Variants in SYT14 observed in about 807,000 individuals in gnomAD.
SYT14 encodes synaptotagmin 14.
In SYT14, 32 loss-of-function variants were observed where a neutral mutation model predicts 74.2. The ratio of observed to expected loss-of-function variants is 0.43; its 90% confidence interval spans 0.33 to 0.58. The LOEUF is 0.58. Ranked by LOEUF, SYT14 falls within the 20% of genes least tolerant of loss-of-function variation. SYT14 has a pLI of 0.05. For missense variants in SYT14, 791 were observed against 981.8 expected (o/e 0.81, Z 2.60); for synonymous variants, 298 against 337.7 (o/e 0.88, Z 1.29).
intron 5 of SYT14, among the ~76,000 whole-genome samples, chr1:210,052,099 T>G (rs562407775): frequency 6.6e-6 from 1 of 152,350 alleles, no homozygotes; most frequent in East Asian, 1.9e-4. Context: ...TGTTAAATTC[T>G]TTTTGAGCTC....
chr1:210,080,364 T>A (rs2102477977), intron 5 of SYT14, among the ~76,000 whole-genome samples: 1 of 152,330 alleles, frequency 6.6e-6, no homozygotes, highest in South Asian at 2.1e-4. Context: ...TTTAAAATAA[T>A]TGTTTTCTTG....
chr1:210,011,980 GTCTTT>G (rs1369293813), intron 2 of SYT14, among the ~76,000 whole-genome samples: 1 of 152,110 alleles, frequency 6.6e-6, no homozygotes, highest in East Asian at 1.9e-4. Flanking sequence ...GCTGTCTTTT[GTCTTT>G]TCTTGCTGTA....
chr1:210,044,556 A>T (rs1040632967), intron 5 of SYT14, among the ~76,000 whole-genome samples: 4 of 152,174 alleles, frequency 2.6e-5, no homozygotes. Flanking sequence ...AGGCAATGTG[A>T]TAGATATGTT....
At chr1:210,131,479 G>C (rs1210712163) in intron 7 of SYT14, among the ~76,000 whole-genome samples, 1 of 151,670 alleles carries the variant, frequency 6.6e-6, no homozygotes, top group African/African-American at 2.4e-5. Flanking sequence ...TATCTTTCAT[G>C]CCTTATGCCA....
intron 2 of SYT14, among the ~76,000 whole-genome samples, chr1:209,990,548 T>TACATACATATATATAC (rs59238920): frequency 1.5e-5 from 1 of 68,050 alleles, no homozygotes; most frequent in Non-Finnish European, 3.8e-5. Flanking sequence ...CGTATATATA[T>TACATACATATATATAC]GTATATATAT....
At chr1:210,016,511 A>G in exon 4 of SYT14, 8 of 1,232,098 alleles carry the variant, frequency 6.5e-6, no homozygotes, top group Non-Finnish European at 8.1e-6. Context: ...AGAACTTGAA[A>G]GTACTGACAG....
chr1:210,144,630 G>A (rs1349933136), intron 7 of SYT14, among the ~76,000 whole-genome samples: 1 of 151,888 alleles, frequency 6.6e-6, no homozygotes, highest in Non-Finnish European at 1.5e-5. Flanking sequence ...AAAACCAATA[G>A]TCTATGGATA....
intron 5 of SYT14, among the ~76,000 whole-genome samples, chr1:210,038,905 G>A (rs926347734): frequency 5.9e-5 from 9 of 151,986 alleles, no homozygotes; most frequent in Non-Finnish European, 2.9e-5. Flanking sequence ...TCCTTGCAAT[G>A]TATTTTCTAG....
At chr1:209,990,420 CT>C (rs1237291149) in intron 2 of SYT14, among the ~76,000 whole-genome samples, 1 of 144,818 alleles carries the variant, frequency 6.9e-6, no homozygotes, top group African/African-American at 2.5e-5. Context: ...CCCCACCTTC[CT>C]TTTTAAAAAT....
chr1:210,011,503 C>G (rs2080085722), intron 2 of SYT14, among the ~76,000 whole-genome samples: 1 of 152,178 alleles, frequency 6.6e-6, no homozygotes, highest in East Asian at 1.9e-4. Flanking sequence ...GCCTCCTCCT[C>G]TCACTCCCAT....
At chr1:209,939,974 A>G (rs1181427638) in intron 1 of SYT14, among the ~76,000 whole-genome samples, 1 of 152,214 alleles carries the variant, frequency 6.6e-6, no homozygotes. Flanking sequence ...TGTTTGAAGA[A>G]TAAGATTTTT....
chr1:210,165,444 GTTTAGCCTATACTTATA>G (rs1436403079), exon 10 of SYT14: 3 of 152,100 alleles, frequency 2.0e-5, no homozygotes, highest in Non-Finnish European at 4.4e-5. Context: ...TATTCTACCA[GTTTAGCCTATACTTATA>G]TTCCAAAAGC....
At chr1:210,104,258 C>T (rs1310122510) in intron 7 of SYT14, among the ~76,000 whole-genome samples, 2 of 152,190 alleles carry the variant, frequency 1.3e-5, no homozygotes, top group Non-Finnish European at 2.9e-5. Flanking sequence ...AGCAGGTTTT[C>T]CTCACCTGAC....
At position 210,160,810 on chromosome 1, in the gene SYT14, C is replaced by G. The variant is rs746278965; in HGVS notation, c.2363C>G (p.Pro788Arg). Residue 788 changes from proline to arginine, a missense_variant, in exon 10 of 10, where the codon CCA becomes CGA. Coordinates refer to ENST00000637265, the Ensembl canonical transcript of SYT14. ...AAGACATCCATCCGCAGAGGGCAGC[C>G]AAATCCAGTATATAAGGAAACTTTT... 5.6e-6 allele frequency: 9 copies of G among 1,613,834 alleles called. No homozygotes were observed. The highest frequency in any genetic ancestry group is 7.6e-6 in the Non-Finnish European group (9 of 1,179,894).
At chr1:210,061,841 C>G (rs1477827684) in intron 5 of SYT14, among the ~76,000 whole-genome samples, 1 of 151,804 alleles carries the variant, frequency 6.6e-6, no homozygotes, top group Non-Finnish European at 1.5e-5. Context: ...TTCATATAAT[C>G]TATTGTTATA....
chr1:210,037,450 T>G (rs2080690448), intron 5 of SYT14, among the ~76,000 whole-genome samples: 2 of 152,030 alleles, frequency 1.3e-5, no homozygotes, highest in African/African-American at 4.8e-5. Flanking sequence ...CTTTGTTATT[T>G]CTTTTCCTCC....
chr1:210,074,794 G>C (rs566351846), intron 5 of SYT14, among the ~76,000 whole-genome samples: 5 of 152,266 alleles, frequency 3.3e-5, no homozygotes, highest in African/African-American at 1.2e-4. Context: ...AGGCTGTGGG[G>C]CTCTGACCCC....
chr1:210,056,870 G>A (rs1265992074), intron 5 of SYT14, among the ~76,000 whole-genome samples: 1 of 143,232 alleles, frequency 7.0e-6, no homozygotes, highest in Non-Finnish European at 1.5e-5. Flanking sequence ...TTGAGACTCA[G>A]TCTTGCTCTG....
At chr1:210,075,031 G>A (rs946122773) in intron 5 of SYT14, among the ~76,000 whole-genome samples, 2 of 152,156 alleles carry the variant, frequency 1.3e-5, no homozygotes, top group African/African-American at 4.8e-5. Flanking sequence ...AGGTTTTATT[G>A]AGCGCAAGTA....
Sources: allele counts gnomAD v4.1 joint callset (sites outside exome capture counted in the v4.1 genomes callset), GRCh38; gene constraint gnomAD v4.1.1; transcripts MANE v1.5; gene names NCBI Gene and HGNC (gene_info 2026-07-23, HGNC 2026-07-21).